The following CPS1 variants were observed in gnomAD, a reference collection of about 807,000 sequenced individuals.
The protein encoded by CPS1 is carbamoyl-phosphate synthase [ammonia], mitochondrial.
In CPS1, 109 loss-of-function variants were observed where a neutral mutation model predicts 174.6. That is an observed-to-expected ratio of 0.62 (90% CI 0.53 to 0.73). The LOEUF (loss-of-function observed/expected upper bound fraction) is 0.73. Ranked by LOEUF, CPS1 falls within the 30% of genes least tolerant of loss-of-function variation. The probability of loss-of-function intolerance (pLI) is 0.00; values close to 1 mark genes in which losing one functional copy is unlikely to be tolerated. For missense variants in CPS1, 1,689 were observed against 1,821.9 expected (o/e 0.93, Z 1.33); for synonymous variants, 637 against 632.0 (o/e 1.01, Z -0.12).
At position 210,674,899 on chromosome 2, in the gene CPS1, C is replaced by A; in HGVS notation, c.4102-3C>A. On this transcript the variant is annotated splice_region_variant and splice_polypyrimidine_tract_variant and intron_variant, in intron 34 of 37. Transcript: ENST00000233072. ...AAGTGAATTTTGTGAAATTCCTTTT[C>A]AGCAATCATTCCGGCCAAGATTCCT... 4 of 1,612,900 alleles carry A rather than the reference C, an allele frequency of 2.5e-6. No individual in the cohort carries two copies. The highest frequency in any genetic ancestry group is 3.4e-6 in the Non-Finnish European group (4 of 1,178,930).
chr2:210,511,201 T>A (rs1358967075), intron 1 of CPS1, among the ~76,000 whole-genome samples: 2 of 151,956 alleles, frequency 1.3e-5, no homozygotes, highest in African/African-American at 2.4e-5. Context: ...CTATGCAGCC[T>A]TAAAAAATGA....
At chr2:210,481,397 AT>A (rs1324820806) in intron 1 of CPS1, among the ~76,000 whole-genome samples, 1 of 152,232 alleles carries the variant, frequency 6.6e-6, no homozygotes, top group African/African-American at 2.4e-5. Context: ...GATGGAAAGT[AT>A]CCCCTTCTGG....
intron 21 of CPS1, among the ~76,000 whole-genome samples, chr2:210,627,820 A>G (rs1699740402): frequency 6.6e-6 from 1 of 152,140 alleles, no homozygotes; most frequent in South Asian, 2.1e-4. Context: ...TTGCTCTTCT[A>G]AACTTCTCCT....
chr2:210,647,587 T>G (rs147791405), intron 25 of CPS1, among the ~76,000 whole-genome samples: 116 of 152,320 alleles, frequency 7.6e-4, no homozygotes, highest in Non-Finnish European at 1.4e-3. Flanking sequence ...ATAGCAAACA[T>G]TTATTGACTT....
chr2:210,649,908 T>G (rs1181725261), intron 27 of CPS1, among the ~76,000 whole-genome samples: 1 of 152,192 alleles, frequency 6.6e-6, no homozygotes, highest in Non-Finnish European at 1.5e-5. Context: ...GCAATCTGGT[T>G]GAGGGAGTAG....
chr2:210,658,479 A>G (rs1262529905), intron 30 of CPS1, 120 bp from the exon 31 acceptor site: 2 of 727,696 alleles, frequency 2.7e-6, no homozygotes, highest in South Asian at 1.5e-5. Context: ...ATGTAGATAT[A>G]TAGCTGTCTG....
chr2:210,555,226 T>C (rs577790631), upstream of CPS1, among the ~76,000 whole-genome samples: 33 of 152,192 alleles, frequency 2.2e-4, no homozygotes, highest in African/African-American at 7.9e-4. Context: ...GCATCCCTTC[T>C]GGGTTTTTTC....
At chr2:210,637,091 C>T (rs1363651612) in intron 21 of CPS1, among the ~76,000 whole-genome samples, 1 of 152,084 alleles carries the variant, frequency 6.6e-6, no homozygotes, top group Admixed American at 6.6e-5. Flanking sequence ...TGTTGGAGAA[C>T]CGGCCATGGA....
intron 17 of CPS1, 57 bp from the exon 18 acceptor site, chr2:210,606,674 G>T: frequency 6.6e-7 from 1 of 1,513,196 alleles, no homozygotes. Context: ...TGGTTAAGTC[G>T]CTGAAGTTGG....
chr2:210,503,409 G>A (rs1400061879), intron 1 of CPS1, among the ~76,000 whole-genome samples: 1 of 152,106 alleles, frequency 6.6e-6, no homozygotes, highest in Non-Finnish European at 1.5e-5. Flanking sequence ...TCGTCTGAAG[G>A]GAGAAAGTAA....
At chr2:210,524,007 G>T (rs960551624) in intron 1 of CPS1, among the ~76,000 whole-genome samples, 2 of 151,960 alleles carry the variant, frequency 1.3e-5, no homozygotes, top group African/African-American at 2.4e-5. Flanking sequence ...TGTATATTCC[G>T]CAAAGTTTTG....
At chr2:210,601,792 A>G (rs965519249) in intron 15 of CPS1, among the ~76,000 whole-genome samples, 3 of 151,954 alleles carry the variant, frequency 2.0e-5, no homozygotes, top group African/African-American at 7.2e-5. Context: ...TTATTGTGGT[A>G]ACATCAAGCT....
At chr2:210,667,620 T>C (rs975204860) in intron 33 of CPS1, among the ~76,000 whole-genome samples, 1 of 152,164 alleles carries the variant, frequency 6.6e-6, no homozygotes, top group African/African-American at 2.4e-5. Context: ...GAAAATGATG[T>C]TTTTAAAAAA....
At chr2:210,519,713 AC>A (rs1695771597) in intron 1 of CPS1, 2 of 984,114 alleles carry the variant, frequency 2.0e-6, no homozygotes, top group African/African-American at 3.5e-5. Flanking sequence ...CCCAATTGAA[AC>A]TTTAGTTCAA....
Position 210,600,537 on chromosome 2 carries a change from T to C in CPS1, c.1550-18T>C. 1.9e-6 allele frequency: 3 copies of C among 1,611,030 alleles called. No homozygotes were observed. The highest frequency in any genetic ancestry group is 1.6e-4 in the Middle Eastern group (1 of 6,064). On this transcript the variant is annotated intron_variant, in intron 14 of 37. Coordinates refer to ENST00000233072, the MANE Select transcript of CPS1 (RefSeq NM_001875.5). ...AATTCAAGATTTTAAAAACTAATCCTATTTGGTTCTTCTTTAGGAGTGGAA... is the reference window on the plus strand; with the variant it reads ...AATTCAAGATTTTAAAAACTAATCCCATTTGGTTCTTCTTTAGGAGTGGAA...
rs138079382 is a variant in CPS1 at position 210,549,354 on chromosome 2, T to G, written c.4-7365T>G. Among the ~76,000 whole-genome samples, 630 of 152,038 alleles carry G rather than the reference T, an allele frequency of 4.1e-3. 5 individuals are homozygous for G. Among genetic ancestry groups the G allele is most frequent in the African/African-American group, 0.014 (573 of 41,518 alleles). On this transcript the variant is annotated intron_variant, in intron 1 of 38. Transcript: ENST00000430249. ...TTGTGCAAAGAAGACTGATGATGAT[T>G]TTTTTTTACATTTTCTTAACAGTAT...
At chr2:210,619,924 G>C (rs1699451585) in intron 21 of CPS1, 1 of 151,688 alleles carries the variant, frequency 6.6e-6, no homozygotes, top group South Asian at 2.1e-4. Context: ...TCACACACCG[G>C]GGCCTGTTGG....
In CPS1 at chr2:210,509,426, A is replaced by G. The variant is rs1432805547; in HGVS notation, c.3+31660A>G. Reference sequence around the variant, plus strand: ...ATGACAAACCCACAGCCAATATCATACTGAATGGGCAAAAACTGGAAGCAT... The same window carrying G: ...ATGACAAACCCACAGCCAATATCATGCTGAATGGGCAAAAACTGGAAGCAT... On this transcript the variant is annotated intron_variant, in intron 1 of 38. Transcript: ENST00000430249. 2.6e-5 allele frequency among the ~76,000 whole-genome samples: 4 copies of G among 152,220 alleles called. No homozygotes were observed. The East Asian group carries it at 7.7e-4, about 29-fold the overall frequency.
chr2:210,674,690 A>C (rs1379157226), intron 34 of CPS1: 3 of 591,000 alleles, frequency 5.1e-6, no homozygotes, highest in Admixed American at 2.7e-5. Flanking sequence ...AGCAGGGATC[A>C]AGATTATGTG....
Sources: allele counts gnomAD v4.1 joint callset (sites outside exome capture counted in the v4.1 genomes callset), GRCh38; gene constraint gnomAD v4.1.1; transcripts MANE v1.5; gene names NCBI Gene and HGNC (gene_info 2026-07-23, HGNC 2026-07-21).